Variants in GJD2 observed in about 807,000 individuals in gnomAD.
GJD2 encodes the protein gap junction protein delta 2.
GJD2 carries 12 observed loss-of-function variants against 24.3 expected under a neutral mutation model. The observed-to-expected ratio is 0.49, with a 90% CI of 0.32 to 0.80. The LOEUF (loss-of-function observed/expected upper bound fraction) is 0.80, where lower values mean the gene tolerates loss of function less well. GJD2 is among the 30% of genes least tolerant of loss of function. The pLI, the probability that GJD2 is intolerant of heterozygous loss-of-function variation, is 0.04. For synonymous variants in GJD2, 171 were observed against 155.2 expected, an observed-to-expected ratio of 1.10 and a Z score of -0.76; for missense variants, 268 against 402.4, an observed-to-expected ratio of 0.67 and a Z score of 2.86.
rs1891096378 is a variant in GJD2, at chr15:34,751,044, AG to A, written c.*1433del. The stretch of plus-strand genomic sequence containing the variant: ...CAGACTCTTCCCATTTTACAAAAAA[AG>A]GCAAGAACTTTATTTTAAACAAATC... On this transcript the variant is annotated 3_prime_UTR_variant, in exon 2 of 2. Coordinates refer to ENST00000290374, the MANE Select transcript of GJD2 (RefSeq NM_020660.3). 1 of 152,246 alleles carries A rather than the reference AG, an allele frequency of 6.6e-6. No individual in the cohort carries two copies. Among genetic ancestry groups the A allele is most frequent in the South Asian group, 2.1e-4 (1 of 4,836 alleles). 9.4% of individuals were successfully genotyped at this position (152,246 alleles called of 1,614,324 possible). A position where few individuals can be genotyped will look rare whatever the true frequency, so the allele number is the denominator to read the frequency against.
chr15:34,753,934 G>C (rs1386901941), intron 1 of GJD2, among the ~76,000 whole-genome samples: 1 of 152,016 alleles, frequency 6.6e-6, no homozygotes, highest in African/African-American at 2.4e-5. Context: ...ATGGCAATTG[G>C]GTGTGTAGGC....
At position 34,752,747 on chromosome 15, in the gene GJD2, G is replaced by C; in HGVS notation, c.697C>G (p.Arg233Gly). The change falls in exon 2 of 2, where the codon CGC becomes GGC. Residue 233 changes from arginine to glycine, a missense_variant. Around this residue, in one of 3 missense-constraint regions of GJD2, gnomAD observed 115 missense variants for 195.2 expected, o/e 0.59. Coordinates refer to ENST00000290374, the MANE Select transcript of GJD2 (RefSeq NM_020660.3). ...TCCACCTCCTTGATGCAGGGGTAGC[G>C]GTTACACTCATACAACCCTGGGACA... ...FSVPGLYECN[R>G]YPCIKEVECY... 5 of 1,614,106 alleles carry C rather than the reference G, an allele frequency of 3.1e-6. No homozygotes were observed. The highest frequency in any genetic ancestry group is 4.2e-6 in the Non-Finnish European group (5 of 1,180,010).
chr15:34,753,209 A>C lies in GJD2; in HGVS notation c.235T>G (p.Trp79Gly). The change falls in exon 2 of 2, where the codon TGG (tryptophan) becomes GGG (glycine). Residue 79 changes from tryptophan to glycine, a missense_variant. Physicochemically the swap from Trp to Gly is radical, Grantham distance 184 (BLOSUM62 -2). Coordinates refer to ENST00000290374, the MANE Select transcript of GJD2 (RefSeq NM_020660.3). ...CACACCATTATGATCTGGAAGACCC[A>C]GTAACGTATGTGGGAGATGGGGAAG... The part of the protein sequence containing the change: ...RAFPISHIRY[W>G]VFQIIMVCTP... 6.2e-7 allele frequency: 1 copy of C among 1,614,172 alleles called. No individual in the cohort carries two copies. The highest frequency in any genetic ancestry group is 8.5e-7 in the Non-Finnish European group (1 of 1,180,024).
At chr15:34,753,686 T>G (rs1891144093) in intron 1 of GJD2, among the ~76,000 whole-genome samples, 1 of 152,126 alleles carries the variant, frequency 6.6e-6, no homozygotes, top group Non-Finnish European at 1.5e-5. Flanking sequence ...AAACACACCT[T>G]CACTCTGGAT....
At position 34,754,473 on chromosome 15, in the gene GJD2, T is replaced by A; in HGVS notation, c.16A>T (p.Ile6Phe). 1 of 1,613,942 alleles carries A rather than the reference T, an allele frequency of 6.2e-7. No individual in the cohort carries two copies. Among genetic ancestry groups the A allele is most frequent in the Non-Finnish European group, 8.5e-7 (1 of 1,179,842 alleles). Residue 6 changes from isoleucine (I) to phenylalanine (F), a missense_variant, in exon 1 of 2, where the codon ATC (isoleucine) becomes TTC (phenylalanine). Transcript: ENST00000290374. The surrounding 1 kb of genome is among the most constrained non-coding windows in gnomAD (Gnocchi z 5.9). Reference protein sequence around the residue: MGEWTILERLLEAAVQ... With the variant: MGEWTFLERLLEAAVQ... ...GCGGCTTCTAGCAGCCTCTCCAAGA[T>A]GGTCCATTCCCCCATCGCTGTGCAT...
In GJD2 at chr15:34,753,356, CCA is replaced by C; in HGVS notation, c.86_87del (p.Val29GlyfsTer19). 6.2e-7 allele frequency: 1 copy of C among 1,602,828 alleles called. No individual in the cohort carries two copies. The highest frequency in any genetic ancestry group is 8.5e-7 in the Non-Finnish European group (1 of 1,176,060). ...STMIGRILLT[V>X]VVIFRILIVA... is the part of the protein sequence containing the mutation. ...ACAATGAGGATCCGGAAGATCACCA[CCA>C]CAGTCAACAGGATCCTGAACGGAGG... On this transcript the variant is annotated frameshift_variant, in exon 2 of 2. Transcript: ENST00000290374. LOFTEE classifies it high-confidence loss of function.
Position 34,752,457 on chromosome 15 carries a change from A to G in GJD2, c.*21T>C. 1 of 1,604,944 alleles carries G rather than the reference A, an allele frequency of 6.2e-7. No individual in the cohort carries two copies. Among genetic ancestry groups the G allele is most frequent in the South Asian group, 1.1e-5 (1 of 89,626 alleles). On this transcript the variant is annotated 3_prime_UTR_variant, in exon 2 of 2. Transcript: ENST00000290374. ...CTTGGGGCTCCTTGCCATCCCCCAG[A>G]CCTTCATGAAACCTGCCCTCTCACA...
Position 34,752,993 on chromosome 15 carries a change from T to C in GJD2, c.451A>G (p.Asn151Asp). 1 of 1,614,156 alleles carries C rather than the reference T, an allele frequency of 6.2e-7. No individual in the cohort carries two copies. Among genetic ancestry groups the C allele is most frequent in the Non-Finnish European group, 8.5e-7 (1 of 1,180,036 alleles). The change falls in exon 2 of 2, where the codon AAT becomes GAT. Residue 151 changes from asparagine (N) to aspartate (D), a missense_variant. Around this residue, in one of 3 missense-constraint regions of GJD2, gnomAD observed 87 missense variants for 77.8 expected, o/e 1.12. Transcript: ENST00000290374. ...TTCTCTGTGTTCTGCAGCACCCCAT[T>C]CACAATAGCATTTTGCAACTTCTTA... is the stretch of plus-strand genomic sequence containing the variant. Reference protein sequence around the residue: ...EDKKLQNAIVNGVLQNTENTS... With the variant: ...EDKKLQNAIVDGVLQNTENTS...
chr15:34,752,828 G>A lies in GJD2; in HGVS notation c.616C>T (p.Arg206Ter). 3 of 1,614,090 alleles carry A rather than the reference G, an allele frequency of 1.9e-6. No individual in the cohort carries two copies. Among genetic ancestry groups the A allele is most frequent in the Non-Finnish European group, 2.5e-6 (3 of 1,179,990 alleles). Reference sequence around the variant, plus strand: ...AGGAACCCAATTTCCAGGGCATTTCGGAACACCACTTGGATAATGTAGAAG... The same window carrying A: ...AGGAACCCAATTTCCAGGGCATTTCAGAACACCACTTGGATAATGTAGAAG... ...SRFYIIQVVFRNALEIGFLVG... is the reference protein window; with the variant it reads ...SRFYIIQVVF The change falls in exon 2 of 2, where the codon CGA (arginine) becomes TGA (stop). Residue 206 changes from arginine to a stop codon, truncating the protein, a stop_gained. Transcript: ENST00000290374. LOFTEE classifies it high-confidence loss of function.
In GJD2 at chr15:34,752,126, C is replaced by A; in HGVS notation, c.*352G>T. On this transcript the variant is annotated 3_prime_UTR_variant, in exon 2 of 2. Coordinates refer to ENST00000290374, the MANE Select transcript of GJD2 (RefSeq NM_020660.3). The stretch of plus-strand genomic sequence containing the variant: ...AATTTTATATCAATGAAGTACTCAA[C>A]TCACACCATTCACCAGAATAAAGAG... 3.7e-6 allele frequency: 1 copy of A among 272,896 alleles called. No homozygotes were observed. Among genetic ancestry groups the A allele is most frequent in the Non-Finnish European group, 7.0e-6 (1 of 142,996 alleles). The allele number at this position is 272,896 out of a possible 1,614,324, so 16.9% of individuals were successfully genotyped here.
At position 34,754,592 on chromosome 15, in the gene GJD2, T is replaced by A; in HGVS notation, c.-104A>T. The A allele has an allele frequency of 4.7e-6, 4 of 859,494 alleles. No individual in the cohort carries two copies. Among genetic ancestry groups the A allele is most frequent in the Non-Finnish European group, 7.9e-6 (4 of 507,756 alleles). 53.2% of individuals were successfully genotyped at this position (859,494 alleles called of 1,614,324 possible). A position where few individuals can be genotyped will look rare whatever the true frequency, so the allele number is the denominator to read the frequency against. Reference sequence around the variant, plus strand: ...ACTTCCAGAATGGGAGTGAATTGCCTCCCAATTAAAGAAGCAATTTTTTAA... The same window carrying A: ...ACTTCCAGAATGGGAGTGAATTGCCACCCAATTAAAGAAGCAATTTTTTAA... On this transcript the variant is annotated 5_prime_UTR_variant, in exon 1 of 2. Coordinates refer to ENST00000290374, the MANE Select transcript of GJD2 (RefSeq NM_020660.3). This position sits in a 1 kb window ranked among gnomAD's most constrained non-coding sequence, Gnocchi z 5.9.
At position 34,752,287 on chromosome 15, in the gene GJD2, C is replaced by G; in HGVS notation, c.*191G>C. The stretch of plus-strand genomic sequence containing the variant: ...CTCTACCCAATCGTCTCTGTAGAAC[C>G]AATTAGGTGATATGTGAAAATGGGT... On this transcript the variant is annotated 3_prime_UTR_variant, in exon 2 of 2. Transcript: ENST00000290374. 1.7e-6 allele frequency: 1 copy of G among 599,484 alleles called. No homozygotes were observed. The allele number at this position is 599,484 out of a possible 1,614,324, so 37.1% of individuals were successfully genotyped here.
In GJD2 at chr15:34,753,305, C is replaced by T. The variant is rs1891138585; in HGVS notation, c.139G>A (p.Asp47Asn). The part of the protein sequence containing the change: ...IVAIVGETVY[D>N]DEQTMFVCNT... ...CACACAAACATGGTCTGCTCATCAT[C>T]GTACACCGTCTCCCCCACAATGGCC... The change falls in exon 2 of 2, where the codon GAT becomes AAT. Residue 47 changes from aspartate to asparagine, a missense_variant. Transcript: ENST00000290374. The T allele has an allele frequency of 5.6e-6, 9 of 1,613,116 alleles. No homozygotes were observed. Among genetic ancestry groups the T allele is most frequent in the Admixed American group, 5.0e-5 (3 of 60,014 alleles).
Position 34,752,648 on chromosome 15 carries a change from C to A in GJD2, c.796G>T (p.Val266Leu), listed in dbSNP as rs1891120021. Residue 266 changes from valine to leucine, a missense_variant, in exon 2 of 2, where the codon GTG becomes TTG. Val to Leu is a conservative substitution (Grantham distance 32). Around this residue, in one of 3 missense-constraint regions of GJD2, gnomAD observed 115 missense variants for 195.2 expected, o/e 0.59. Transcript: ENST00000290374. ...TGGTTGAGTTCAGCCAGGTTGAGCACAACACAGATGCCACTTACAGCAAAC... is the reference window on the plus strand; with the variant it reads ...TGGTTGAGTTCAGCCAGGTTGAGCAAAACACAGATGCCACTTACAGCAAAC... ...FMFAVSGICVVLNLAELNHLG... is the reference protein window; with the variant it reads ...FMFAVSGICVLLNLAELNHLG... 6.2e-7 allele frequency: 1 copy of A among 1,614,092 alleles called. No homozygotes were observed. The highest frequency in any genetic ancestry group is 1.3e-5 in the African/African-American group (1 of 74,902).
At position 34,753,086 on chromosome 15, in the gene GJD2, G is replaced by T. The variant is rs1244360976; in HGVS notation, c.358C>A (p.Pro120Thr). The change falls in exon 2 of 2, where the codon CCC (proline) becomes ACC (threonine). Residue 120 changes from proline to threonine, a missense_variant. Around this residue, in one of 3 missense-constraint regions of GJD2, gnomAD observed 87 missense variants for 77.8 expected, o/e 1.12. Transcript: ENST00000290374. ...STVFLALDRD[P>T]PESIGGPGGT... ...CCAGGACCTCCTATGGACTCAGGGG[G>T]GTCTCTGTCCAGGGCTAGGAAGACT... The T allele has an allele frequency of 6.2e-7, 1 of 1,614,042 alleles. No individual in the cohort carries two copies. The highest frequency in any genetic ancestry group is 1.7e-5 in the Admixed American group (1 of 60,006).
In GJD2 at chr15:34,751,955, G is replaced by GAAAAAAAA. The variant is rs61551629; in HGVS notation, c.*515_*522dup. 9.4e-5 allele frequency: 2 copies of GAAAAAAAA among 21,204 alleles called. No homozygotes were observed. The highest frequency in any genetic ancestry group is 3.2e-4 in the African/African-American group (2 of 6,208). The allele number at this position is 21,204 out of a possible 1,614,324, so 1.3% of individuals were successfully genotyped here. ...AGGTCTAATGTAAGGCCAGATTCTG[G>GAAAAAAAA]AAAAAAAAAAAAAAAAAAAAAAAAA... On this transcript the variant is annotated 3_prime_UTR_variant, in exon 2 of 2. Transcript: ENST00000290374.
rs1380786399 is a variant in GJD2, at chr15:34,752,160, G to A, written c.*318C>T. 4 of 341,272 alleles carry A rather than the reference G, an allele frequency of 1.2e-5. No homozygotes were observed. Among genetic ancestry groups the A allele is most frequent in the Non-Finnish European group, 2.2e-5 (4 of 184,340 alleles). 21.1% of individuals were successfully genotyped at this position (341,272 alleles called of 1,614,324 possible). On this transcript the variant is annotated 3_prime_UTR_variant, in exon 2 of 2. Coordinates refer to ENST00000290374, the MANE Select transcript of GJD2 (RefSeq NM_020660.3). The stretch of plus-strand genomic sequence containing the variant: ...TTCACCAGAATAAAGAGCTCAGCAG[G>A]GCTAAGTCCTACTTGGTAGCTGTGC...
chr15:34,753,962 C>T (rs1351925877), intron 1 of GJD2, among the ~76,000 whole-genome samples: 1 of 151,802 alleles, frequency 6.6e-6, no homozygotes, highest in Non-Finnish European at 1.5e-5. Flanking sequence ...GTTTACACCG[C>T]CAAATAAGTT....
Position 34,752,386 on chromosome 15 carries a change from T to A in GJD2, c.*92A>T, listed in dbSNP as rs537570012. 1.0e-6 allele frequency: 1 copy of A among 998,822 alleles called. No individual in the cohort carries two copies. Among genetic ancestry groups the A allele is most frequent in the African/African-American group, 1.6e-5 (1 of 62,406 alleles). The allele number at this position is 998,822 out of a possible 1,614,324, so 61.9% of individuals were successfully genotyped here. The stretch of plus-strand genomic sequence containing the variant: ...TTATCCTACATCTTAATGGTGAGGG[T>A]CACATAAATGAGGGTGGATACAGCC... On this transcript the variant is annotated 3_prime_UTR_variant, in exon 2 of 2. Transcript: ENST00000290374.
Sources: allele counts gnomAD v4.1 joint callset (sites outside exome capture counted in the v4.1 genomes callset), GRCh38; gene constraint gnomAD v4.1.1; regional missense constraint gnomAD v4.1.1; non-coding constraint Gnocchi (gnomAD v3.1); transcripts MANE v1.5; gene names NCBI Gene and HGNC (gene_info 2026-07-23, HGNC 2026-07-21).